Variants in NFIC observed in about 807,000 individuals in gnomAD.
The protein encoded by NFIC is nuclear factor I C.
Under a neutral mutation model 54.4 loss-of-function variants are expected in NFIC, and 12 were observed. That is an observed-to-expected ratio of 0.22 (90% confidence interval 0.14 to 0.36). The LOEUF (loss-of-function observed/expected upper bound fraction) is 0.36, where lower values mean the gene tolerates loss of function less well. Ranked by LOEUF, NFIC falls within the 10% of genes least tolerant of loss-of-function variation. NFIC has a pLI of 1.00. For missense variants in NFIC, 575 were observed against 718.2 expected (o/e 0.80, Z 2.28); for synonymous variants, 322 against 319.2 (o/e 1.01, Z -0.09).
intron 2 of NFIC, among the ~76,000 whole-genome samples, chr19:3,384,940 C>T (rs768153883): frequency 2.9e-4 from 44 of 152,020 alleles, no homozygotes; most frequent in Admixed American, 5.9e-4. Flanking sequence ...CCGCCCCCAC[C>T]TCCTCCGTGC....
At chr19:3,401,543 T>C (rs1339485163) in intron 2 of NFIC, among the ~76,000 whole-genome samples, 1 of 151,908 alleles carries the variant, frequency 6.6e-6, no homozygotes, top group Non-Finnish European at 1.5e-5. Flanking sequence ...CCTGGGCACA[T>C]GCAGGGAAGG....
intron 3 of NFIC, among the ~76,000 whole-genome samples, chr19:3,429,250 ATATACACACACACACAC>A (rs2082081484): frequency 2.2e-5 from 1 of 45,654 alleles, no homozygotes; most frequent in African/African-American, 1.2e-4. Context: ...AAAAAAAAAT[ATATACACACACACACAC>A]ACACACACAC....
In NFIC at chr19:3,366,625, G is replaced by A. The variant is rs775429577; in HGVS notation, c.-12G>A. ...CGCTCCGGCCGGCCCTGCGCCTCCC[G>A]CCGCGCCCGGGATGTATTCGTCCCC... On this transcript the variant is annotated 5_prime_UTR_variant, in exon 1 of 11. Transcript: ENST00000443272. 6.7e-6 allele frequency: 10 copies of A among 1,498,464 alleles called. No individual in the cohort carries two copies. Among genetic ancestry groups the A allele is most frequent in the South Asian group, 3.9e-5 (3 of 76,874 alleles). The allele number at this position is 1,498,464 out of a possible 1,614,324, so 92.8% of individuals were successfully genotyped here.
intron 1 of NFIC, among the ~76,000 whole-genome samples, chr19:3,368,555 G>C (rs550266196): frequency 6.6e-6 from 1 of 152,332 alleles, no homozygotes; most frequent in South Asian, 2.1e-4. Flanking sequence ...CAGAGGCAGA[G>C]AGCTCCCAGG....
chr19:3,425,918 CTTTTTTTTTTTTTTTTTT>C (rs869165549), intron 3 of NFIC, among the ~76,000 whole-genome samples: 1 of 54,488 alleles, frequency 1.8e-5, no homozygotes, highest in South Asian at 9.8e-4. Flanking sequence ...CCATGCCTGG[CTTTTTTTTTTTTTTTTTT>C]TTTTTTTTTT....
At chr19:3,445,384 C>T (rs1174819759) in intron 6 of NFIC, among the ~76,000 whole-genome samples, 2 of 152,322 alleles carry the variant, frequency 1.3e-5, no homozygotes, top group East Asian at 3.9e-4. Context: ...GGCAGTGGGG[C>T]CTCTCTGGGT....
intron 6 of NFIC, among the ~76,000 whole-genome samples, chr19:3,445,326 C>T (rs2082359615): frequency 6.6e-6 from 1 of 152,344 alleles, no homozygotes; most frequent in African/African-American, 2.4e-5. Context: ...AAGCCCGGGC[C>T]TGGCTGCTGG....
In NFIC at chr19:3,381,725, C is replaced by G; in HGVS notation, c.44C>G (p.Pro15Arg). 2 of 1,613,664 alleles carry G rather than the reference C, an allele frequency of 1.2e-6. No homozygotes were observed. The highest frequency in any genetic ancestry group is 1.7e-6 in the Non-Finnish European group (2 of 1,179,904). ...TCCGGCCTGCAGGATGAGTTCCACC[C>G]GTTCATCGAGGCCCTGCTGCCTCAC... is the stretch of plus-strand genomic sequence containing the variant. The part of the protein sequence containing the change: ...PLCLTQDEFH[P>R]FIEALLPHVR... Residue 15 changes from proline to arginine, a missense_variant, in exon 2 of 11, where the codon CCG (proline) becomes CGG (arginine). Physicochemically the swap from Pro to Arg is moderately radical, Grantham distance 103. Around this residue, in one of 3 missense-constraint regions of NFIC, gnomAD observed 122 missense variants for 158.0 expected, o/e 0.77. Transcript: ENST00000443272.
chr19:3,425,918 C>CTT (rs869165549), intron 3 of NFIC, among the ~76,000 whole-genome samples: 5 of 54,532 alleles, frequency 9.2e-5, no homozygotes, highest in Non-Finnish European at 1.3e-4. Flanking sequence ...CCATGCCTGG[C>CTT]TTTTTTTTTT....
intron 6 of NFIC, among the ~76,000 whole-genome samples, chr19:3,439,689 ATTTT>A (rs1182271188): frequency 7.5e-6 from 1 of 133,838 alleles, no homozygotes. Flanking sequence ...CACTGGAAGA[ATTTT>A]TTTTTTTTTT....
At chr19:3,406,764 C>CGAAA (rs2081656089) in intron 2 of NFIC, among the ~76,000 whole-genome samples, 1 of 152,034 alleles carries the variant, frequency 6.6e-6, no homozygotes, top group African/African-American at 2.4e-5. Context: ...TGTGAGGAGG[C>CGAAA]GAAAACTCAA....
In NFIC at chr19:3,433,514, C is replaced by T; in HGVS notation, c.635-4C>T. On this transcript the variant is annotated splice_polypyrimidine_tract_variant and splice_region_variant and intron_variant, in intron 3 of 10. Coordinates refer to ENST00000443272, the MANE Select transcript of NFIC (RefSeq NM_001245002.2). ...CTACTGACCCCGCTGTCTTCCTGTT[C>T]CAGACACGACCGACTTCCAGGAGAG... 6.2e-7 allele frequency: 1 copy of T among 1,613,714 alleles called. No individual in the cohort carries two copies. Among genetic ancestry groups the T allele is most frequent in the East Asian group, 2.2e-5 (1 of 44,874 alleles).
chr19:3,418,108 T>C (rs1599651531), intron 2 of NFIC, among the ~76,000 whole-genome samples: 1 of 150,022 alleles, frequency 6.7e-6, no homozygotes, highest in African/African-American at 2.4e-5. Context: ...TCTTTTTTTT[T>C]TTTTTTTTGA....
At chr19:3,366,546 T>TGGGGGGGGGGGGGGGGG, upstream of NFIC, 3 of 316,916 alleles carry the variant, frequency 9.5e-6, no homozygotes, top group South Asian at 8.0e-5. Flanking sequence ...GGGGGGGGGG[T>TGGGGGGGGGGGGGGGGG]TGGGGGGGGC....
At chr19:3,415,171 G>A (rs2081833352) in intron 2 of NFIC, among the ~76,000 whole-genome samples, 1 of 146,766 alleles carries the variant, frequency 6.8e-6, no homozygotes, top group Non-Finnish European at 1.5e-5. Flanking sequence ...GGAGTGCAGT[G>A]GTACGATCTC....
intron 6 of NFIC, among the ~76,000 whole-genome samples, chr19:3,435,815 C>T (rs75468221): frequency 2.4e-5 from 3 of 127,196 alleles, no homozygotes; most frequent in African/African-American, 8.7e-5. Context: ...GGGTGTCTTT[C>T]TTTCTTTCTT....
intron 9 of NFIC, 57 bp from the exon 10 acceptor site, chr19:3,456,493 C>T (rs374724885): frequency 1.6e-5 from 24 of 1,523,608 alleles, no homozygotes; most frequent in Middle Eastern, 1.7e-4. Context: ...GGGCCAGGGC[C>T]GCCCCGGCTC....
chr19:3,441,966 T>G (rs2082300847), intron 6 of NFIC, among the ~76,000 whole-genome samples: 1 of 152,222 alleles, frequency 6.6e-6, no homozygotes, highest in African/African-American at 2.4e-5. Context: ...TTAAGCTGAT[T>G]AGAGCAGCTC....
intron 2 of NFIC, among the ~76,000 whole-genome samples, chr19:3,399,881 T>A (rs2081527226): frequency 6.6e-6 from 1 of 151,454 alleles, no homozygotes; most frequent in South Asian, 2.1e-4. Context: ...AAAAAATAAA[T>A]AAGTAAATAA....
Sources: gnomAD v4.1 joint callset for allele counts (sites outside exome capture counted in the v4.1 genomes callset) on GRCh38, gnomAD v4.1.1 for gene constraint, gnomAD v4.1.1 regional missense constraint, MANE v1.5 for transcripts, NCBI Gene and HGNC (gene_info 2026-07-23, HGNC 2026-07-21) for gene names.